Variants in SLC36A1 observed in about 807,000 individuals in gnomAD.
SLC36A1 encodes solute carrier family 36 member 1.
In SLC36A1, 30 loss-of-function variants were observed where a neutral mutation model predicts 47.5. The observed-to-expected ratio is 0.63, with a 90% confidence interval of 0.47 to 0.86. The LOEUF is 0.86. SLC36A1 is among the 40% of genes least tolerant of loss of function. The pLI, the probability that SLC36A1 is intolerant of heterozygous loss-of-function variation, is 0.00. For missense variants in SLC36A1, 517 were observed against 606.0 expected (o/e 0.85, Z 1.54); for synonymous variants, 255 against 249.7 (o/e 1.02, Z -0.20).
At chr5:151,468,703 G>C (rs999496220) in intron 7 of SLC36A1, among the ~76,000 whole-genome samples, 6 of 151,266 alleles carry the variant, frequency 4.0e-5, no homozygotes, top group Non-Finnish European at 8.8e-5. Flanking sequence ...GGGCAAAATC[G>C]CCCCCCCACC....
chr5:151,358,699 C>T, the SLC36A1 span, among the ~76,000 whole-genome samples: 4 of 152,122 alleles, frequency 2.6e-5, no homozygotes, highest in Admixed American at 6.5e-5. Flanking sequence ...CTCGGCCGGG[C>T]GCGGTGGCTC....
the SLC36A1 span, among the ~76,000 whole-genome samples, chr5:151,394,926 A>G: frequency 2.6e-5 from 4 of 152,286 alleles, no homozygotes; most frequent in East Asian, 7.7e-4. Flanking sequence ...CTCTCTTCAA[A>G]GCTGTCAGAC....
At chr5:151,468,436 G>GTA (rs1459957310) in intron 7 of SLC36A1, among the ~76,000 whole-genome samples, 258 of 144,642 alleles carry the variant, frequency 1.8e-3, no homozygotes, top group African/African-American at 5.5e-3. Context: ...TATATATTGT[G>GTA]TATATATATA....
chr5:151,423,108 A>G, the SLC36A1 span, among the ~76,000 whole-genome samples: 1 of 152,236 alleles, frequency 6.6e-6, no homozygotes, highest in African/African-American at 2.4e-5. Context: ...TATTAGAACA[A>G]TCAAAATCCA....
chr5:151,478,701 T>G (rs2127530316), intron 9 of SLC36A1, among the ~76,000 whole-genome samples: 1 of 152,354 alleles, frequency 6.6e-6, no homozygotes, highest in South Asian at 2.1e-4. Context: ...CCACTCTAGT[T>G]CCCAATTTTA....
the SLC36A1 span, chr5:151,550,489 C>T: frequency 7.5e-7 from 1 of 1,334,014 alleles, no homozygotes; most frequent in Non-Finnish European, 1.0e-6. Context: ...CGTGCATGGT[C>T]CTTATGAGGG....
At chr5:151,455,315 A>C (rs1174625903) in intron 1 of SLC36A1, among the ~76,000 whole-genome samples, 3 of 151,870 alleles carry the variant, frequency 2.0e-5, no homozygotes, top group Admixed American at 2.0e-4. Context: ...TGTTGAGCTT[A>C]TCATCAACCA....
chr5:151,534,593 G>A, the SLC36A1 span: 1 of 1,614,108 alleles, frequency 6.2e-7, no homozygotes, highest in East Asian at 2.2e-5. Flanking sequence ...CAACAAGGTT[G>A]AACACATCCT....
the SLC36A1 span, chr5:151,544,417 G>A: frequency 5.0e-6 from 8 of 1,614,040 alleles, no homozygotes; most frequent in African/African-American, 5.3e-5. Flanking sequence ...CACATGTTTG[G>A]TCTTGGACTC....
At chr5:151,357,315 A>G in the SLC36A1 span, among the ~76,000 whole-genome samples, 2 of 152,246 alleles carry the variant, frequency 1.3e-5, no homozygotes, top group Non-Finnish European at 2.9e-5. Flanking sequence ...TGCCAGTATC[A>G]GCATGACAAA....
chr5:151,444,866 C>T (rs1752832320), upstream of SLC36A1, among the ~76,000 whole-genome samples: 1 of 152,178 alleles, frequency 6.6e-6, no homozygotes, highest in Non-Finnish European at 1.5e-5. Context: ...GGGTTTTCTA[C>T]ATATAGGATG....
chr5:151,384,767 T>C, the SLC36A1 span, among the ~76,000 whole-genome samples: 1 of 152,192 alleles, frequency 6.6e-6, no homozygotes, highest in Non-Finnish European at 1.5e-5. Flanking sequence ...GCTTAAAATA[T>C]GCAACCCTCA....
At chr5:151,554,458 G>T in the SLC36A1 span, 4 of 1,614,054 alleles carry the variant, frequency 2.5e-6, no homozygotes, top group Non-Finnish European at 2.5e-6. Flanking sequence ...CGCTGTCCTC[G>T]ATACTGTAGG....
At chr5:151,397,532 A>G in the SLC36A1 span, among the ~76,000 whole-genome samples, 2 of 152,170 alleles carry the variant, frequency 1.3e-5, no homozygotes, top group African/African-American at 2.4e-5. Flanking sequence ...CATGCCTGTA[A>G]TCCCAGCACT....
At chr5:151,407,175 A>C in the SLC36A1 span, among the ~76,000 whole-genome samples, 1 of 152,238 alleles carries the variant, frequency 6.6e-6, no homozygotes. Flanking sequence ...TGTGAAGAGC[A>C]AAAGAACAAA....
chr5:151,409,202 G>A, the SLC36A1 span, among the ~76,000 whole-genome samples: 4 of 151,700 alleles, frequency 2.6e-5, no homozygotes, highest in South Asian at 2.1e-4. Flanking sequence ...GTTTTGCCAC[G>A]TTTTCCACTC....
At chr5:151,480,106 C>A in intron 10 of SLC36A1, 1 of 1,488,090 alleles carries the variant, frequency 6.7e-7, no homozygotes, top group South Asian at 1.3e-5. Context: ...TGGTTGAAAA[C>A]TGGTGACATT....
intron 1 of SLC36A1, among the ~76,000 whole-genome samples, chr5:151,437,804 C>A (rs967321620): frequency 6.6e-6 from 1 of 152,114 alleles, no homozygotes; most frequent in Non-Finnish European, 1.5e-5. Flanking sequence ...CAAATGTATT[C>A]TCTTATAGTT....
At chr5:151,543,262 T>G in the SLC36A1 span, 4 of 1,614,044 alleles carry the variant, frequency 2.5e-6, no homozygotes, top group Non-Finnish European at 3.4e-6. Flanking sequence ...GTTCACTGAG[T>G]AGGTGACATC....
Sources: allele counts gnomAD v4.1 joint callset (sites outside exome capture counted in the v4.1 genomes callset), GRCh38; gene constraint gnomAD v4.1.1; transcripts MANE v1.5; gene names NCBI Gene and HGNC (gene_info 2026-07-23, HGNC 2026-07-21).